The following RTN4IP1 variants were observed in gnomAD, a reference collection of about 807,000 sequenced individuals.
RTN4IP1 encodes reticulon 4 interacting protein 1, also known as NAD(P)H oxidoreductase RTN4IP1, mitochondrial.
A neutral mutation model predicts 46.6 loss-of-function variants in RTN4IP1; 32 were observed. That is an observed-to-expected ratio of 0.69 (90% CI 0.52 to 0.92). The LOEUF is 0.92. Ranked by LOEUF, RTN4IP1 falls within the 40% of genes least tolerant of loss-of-function variation. The pLI is 0.00. For synonymous variants in RTN4IP1, 167 were observed against 161.8 expected (o/e 1.03, Z -0.24); for missense variants, 424 against 485.8 (o/e 0.87, Z 1.20).
intron 2 of RTN4IP1, among the ~76,000 whole-genome samples, chr6:106,622,198 G>A (rs1053959560): frequency 2.0e-5 from 3 of 152,142 alleles, no homozygotes; most frequent in African/African-American, 2.4e-5. Context: ...TCAAAGCTCA[G>A]TATATTTGTT....
intron 8 of RTN4IP1, 117 bp downstream of exon 8, chr6:106,583,211 G>A (rs1775409985): frequency 5.5e-6 from 4 of 729,462 alleles, no homozygotes; most frequent in Non-Finnish European, 9.3e-6. Context: ...GGCAGCACAA[G>A]GTCAGGTGAG....
At chr6:106,615,872 T>A (rs1478975844) in intron 4 of RTN4IP1, among the ~76,000 whole-genome samples, 1 of 152,198 alleles carries the variant, frequency 6.6e-6, no homozygotes, top group Non-Finnish European at 1.5e-5. Context: ...ATGAAGAAAC[T>A]ATAGATGGGC....
intron 8 of RTN4IP1, among the ~76,000 whole-genome samples, chr6:106,579,300 A>T (rs1302595721): frequency 6.6e-6 from 1 of 152,198 alleles, no homozygotes; most frequent in East Asian, 1.9e-4. Context: ...CTCAGACTGA[A>T]TGTGGCCCAC....
At chr6:106,629,770 A>T, upstream of RTN4IP1, 10 of 1,561,048 alleles carry the variant, frequency 6.4e-6, no homozygotes, top group Non-Finnish European at 8.7e-6. Flanking sequence ...TCGTTGACAA[A>T]GAGTCCCTGG....
At chr6:106,625,661 CTT>C (rs773454257) in intron 1 of RTN4IP1, among the ~76,000 whole-genome samples, 12 of 112,802 alleles carry the variant, frequency 1.1e-4, no homozygotes, top group African/African-American at 2.7e-4. Flanking sequence ...TCTTTTTTTT[CTT>C]TTTTTTTTTT....
At chr6:106,607,612 CA>C (rs1157782504) in intron 4 of RTN4IP1, 3 of 152,022 alleles carry the variant, frequency 2.0e-5, no homozygotes, top group Non-Finnish European at 4.4e-5. Flanking sequence ...CAAGCATAGG[CA>C]AAATATGCTG....
chr6:106,619,460 C>A, intron 3 of RTN4IP1, 134 bp from the exon 4 acceptor site: 1 of 997,142 alleles, frequency 1.0e-6, no homozygotes, highest in Non-Finnish European at 1.4e-6. Flanking sequence ...TCCACTTATA[C>A]GTGGATTTCC....
At position 106,628,975 on chromosome 6, in the gene RTN4IP1, G is replaced by A. The variant is rs759983578; in HGVS notation, c.47C>T (p.Ala16Val). 14 of 1,613,852 alleles carry A rather than the reference G, an allele frequency of 8.7e-6. No individual in the cohort carries two copies. The East Asian group carries it at 2.7e-4, about 31-fold the overall frequency. The change falls in exon 1 of 9, where the codon GCG (alanine) becomes GTG (valine). Residue 16 changes from alanine (A) to valine (V), a missense_variant. Ala to Val is a moderately conservative substitution (Grantham distance 64, BLOSUM62 0). Coordinates refer to ENST00000369063, the MANE Select transcript of RTN4IP1 (RefSeq NM_032730.5). ...AACTTTGCTTCTCCAGAAGCAAACCGCAGTGCATGCATTTCTTCTAAGTAC... is the reference window on the plus strand; with the variant it reads ...AACTTTGCTTCTCCAGAAGCAAACCACAGTGCATGCATTTCTTCTAAGTAC... ...TCVLRRNACT[A>V]VCFWRSKVVQ...
intron 8 of RTN4IP1, 197 bp from the exon 9 acceptor site, chr6:106,572,300 T>C: frequency 1.7e-6 from 1 of 585,340 alleles, no homozygotes; most frequent in East Asian, 2.8e-5. Context: ...TCTCTCTTTA[T>C]GGCCCCTCCC....
At chr6:106,606,536 C>CAA (rs200912308) in intron 4 of RTN4IP1, among the ~76,000 whole-genome samples, 2 of 151,804 alleles carry the variant, frequency 1.3e-5, no homozygotes, top group African/African-American at 2.4e-5. Flanking sequence ...ACAATAGCTA[C>CAA]AAAAAAACCA....
chr6:106,612,830 G>A (rs1333720234), intron 4 of RTN4IP1, among the ~76,000 whole-genome samples: 1 of 152,052 alleles, frequency 6.6e-6, no homozygotes, highest in East Asian at 1.9e-4. Flanking sequence ...AGTCTGTGTG[G>A]GCTAACCCTA....
chr6:106,579,055 T>C (rs1775293715), intron 8 of RTN4IP1, among the ~76,000 whole-genome samples: 2 of 151,788 alleles, frequency 1.3e-5, no homozygotes, highest in Non-Finnish European at 2.9e-5. Context: ...GCCAACATGG[T>C]GAAACCCTGT....
At chr6:106,587,529 A>G in intron 7 of RTN4IP1, 150 bp downstream of exon 7, 1 of 662,840 alleles carries the variant, frequency 1.5e-6, no homozygotes, top group Non-Finnish European at 2.6e-6. Context: ...TAGAGGTCAG[A>G]TTTTGAAGCC....
upstream of RTN4IP1, among the ~76,000 whole-genome samples, chr6:106,629,982 G>A (rs1380981057): frequency 6.6e-6 from 1 of 151,656 alleles, no homozygotes; most frequent in African/African-American, 2.4e-5. Context: ...TCGGGATCCG[G>A]ATGGTCTCGG....
At chr6:106,607,437 C>T (rs1460343103) in intron 4 of RTN4IP1, among the ~76,000 whole-genome samples, 1 of 151,934 alleles carries the variant, frequency 6.6e-6, no homozygotes, top group African/African-American at 2.4e-5. Flanking sequence ...GAAGAGACAA[C>T]CTGTAGAATG....
At chr6:106,609,364 G>A (rs1776165147) in intron 4 of RTN4IP1, among the ~76,000 whole-genome samples, 1 of 152,142 alleles carries the variant, frequency 6.6e-6, no homozygotes, top group African/African-American at 2.4e-5. Context: ...AGATCAGCCT[G>A]GGCAACATCA....
rs138109616 is a variant in RTN4IP1 at position 106,592,588 on chromosome 6, G to A, written c.670-288C>T. 2.0e-5 allele frequency among the ~76,000 whole-genome samples: 3 copies of A among 152,268 alleles called. No homozygotes were observed. The East Asian group carries it at 5.8e-4, about 29-fold the overall frequency. On this transcript the variant is annotated intron_variant, in intron 5 of 8. Coordinates refer to ENST00000369063, the MANE Select transcript of RTN4IP1 (RefSeq NM_032730.5). ...AAGTTATAACTAATCCACTTAGAGAGGGACTCAGTGCCTCAACAGTAACAG... is the reference window on the plus strand; with the variant it reads ...AAGTTATAACTAATCCACTTAGAGAAGGACTCAGTGCCTCAACAGTAACAG...
intron 6 of RTN4IP1, among the ~76,000 whole-genome samples, chr6:106,589,114 A>G (rs1582865830): frequency 8.4e-6 from 1 of 118,618 alleles, no homozygotes; most frequent in South Asian, 3.0e-4. Flanking sequence ...CAGAAGAAGA[A>G]GAGGAAGAAG....
At chr6:106,621,392 T>G in intron 3 of RTN4IP1, 33 bp downstream of exon 3, 1 of 1,501,834 alleles carries the variant, frequency 6.7e-7, no homozygotes, top group Non-Finnish European at 9.3e-7. Context: ...TGTTTAAACT[T>G]TCTAATGCAT....
Sources: allele counts gnomAD v4.1 joint callset (sites outside exome capture counted in the v4.1 genomes callset), GRCh38; gene constraint gnomAD v4.1.1; transcripts MANE v1.5; gene names NCBI Gene and HGNC (gene_info 2026-07-23, HGNC 2026-07-21).